SLC7A11: variants seen among roughly 807,000 people sequenced by gnomAD.
SLC7A11 encodes the protein solute carrier family 7 member 11, also known as cystine/glutamate transporter.
SLC7A11 carries 35 observed loss-of-function variants against 54.5 expected under a neutral mutation model. The ratio of observed to expected loss-of-function variants is 0.64; its 90% CI spans 0.49 to 0.85. SLC7A11 has a LOEUF of 0.85. SLC7A11 is among the 40% of genes least tolerant of loss of function. The pLI, the probability that SLC7A11 is intolerant of heterozygous loss-of-function variation, is 0.00. For synonymous variants in SLC7A11, 230 were observed against 225.2 expected, an observed-to-expected ratio of 1.02 and a Z score of -0.19; for missense variants, 583 against 618.1, an observed-to-expected ratio of 0.94 and a Z score of 0.60.
intron 5 of SLC7A11, 80 bp from the exon 6 acceptor site, chr4:138,214,709 T>C (rs1286265986): frequency 2.1e-6 from 1 of 468,754 alleles, no homozygotes; most frequent in Admixed American, 4.1e-5. Flanking sequence ...TATTTAACAT[T>C]GAACCCAGAA....
chr4:138,238,571 T>A (rs1458566178), intron 1 of SLC7A11, among the ~76,000 whole-genome samples: 2 of 151,962 alleles, frequency 1.3e-5, no homozygotes, highest in Non-Finnish European at 2.9e-5. Context: ...AAACTTATCA[T>A]GACATCAAAG....
At chr4:138,218,168 A>C (rs566252122) in intron 5 of SLC7A11, among the ~76,000 whole-genome samples, 1 of 152,316 alleles carries the variant, frequency 6.6e-6, no homozygotes, top group South Asian at 2.1e-4. Flanking sequence ...ATTTTGAAAT[A>C]TATCCATATT....
chr4:138,181,177 TA>T lies in SLC7A11; in HGVS notation c.1117-388del, dbSNP rs1736732668. Among the ~76,000 whole-genome samples, 3 of 152,226 alleles carry T rather than the reference TA, an allele frequency of 2.0e-5. No homozygotes were observed. In the South Asian group the frequency reaches 6.2e-4, roughly 32 times the overall value. On this transcript the variant is annotated intron_variant, in intron 9 of 11. Coordinates refer to ENST00000280612, the MANE Select transcript of SLC7A11 (RefSeq NM_014331.4). ...TTAGTAAATAACCGATAATGAACAG[TA>T]AAAGAGGCCCAATTGGAAGATTTAC...
intron 7 of SLC7A11, 33 bp from the exon 8 acceptor site, chr4:138,183,338 C>G (rs377335729): frequency 3.3e-5 from 47 of 1,433,796 alleles, no homozygotes; most frequent in Non-Finnish European, 4.6e-5. Context: ...AAATTAATGC[C>G]TTGCCAGAAA....
chr4:138,235,887 T>C (rs1050587791), intron 2 of SLC7A11, among the ~76,000 whole-genome samples: 1 of 152,222 alleles, frequency 6.6e-6, no homozygotes, highest in South Asian at 2.1e-4. Flanking sequence ...ACCAACTAAG[T>C]TGTGAGGCAC....
At chr4:138,213,741 C>T (rs569340548) in intron 6 of SLC7A11, among the ~76,000 whole-genome samples, 1 of 152,198 alleles carries the variant, frequency 6.6e-6, no homozygotes, top group South Asian at 2.1e-4. Context: ...TTTGTTTACA[C>T]ATTTGACTCA....
At chr4:138,190,554 C>T (rs1262865359) in intron 6 of SLC7A11, among the ~76,000 whole-genome samples, 1 of 152,110 alleles carries the variant, frequency 6.6e-6, no homozygotes, top group Non-Finnish European at 1.5e-5. Flanking sequence ...TTCAACCCAC[C>T]AATTTACTTT....
chr4:138,226,120 A>G (rs1342358210), intron 3 of SLC7A11, among the ~76,000 whole-genome samples: 1 of 152,212 alleles, frequency 6.6e-6, no homozygotes, highest in Non-Finnish European at 1.5e-5. Context: ...AACAGATATT[A>G]TGAATTGATC....
intron 4 of SLC7A11, among the ~76,000 whole-genome samples, chr4:138,219,689 T>C (rs1292527313): frequency 6.6e-6 from 1 of 152,172 alleles, no homozygotes; most frequent in Non-Finnish European, 1.5e-5. Context: ...TTATAATCTT[T>C]ATGAATATGA....
intron 6 of SLC7A11, among the ~76,000 whole-genome samples, chr4:138,207,759 C>T (rs1396264312): frequency 6.6e-6 from 1 of 152,058 alleles, no homozygotes. Context: ...TGTCAAAATG[C>T]AAGATAAAAG....
At chr4:138,235,587 C>A (rs1738189745) in intron 2 of SLC7A11, among the ~76,000 whole-genome samples, 1 of 152,106 alleles carries the variant, frequency 6.6e-6, no homozygotes, top group Non-Finnish European at 1.5e-5. Flanking sequence ...TCAGACTGTG[C>A]ACATCACATT....
At chr4:138,184,688 T>C (rs1736833264) in intron 7 of SLC7A11, among the ~76,000 whole-genome samples, 1 of 152,150 alleles carries the variant, frequency 6.6e-6, no homozygotes. Flanking sequence ...CAAATTTATA[T>C]GGTCCACATC....
chr4:138,178,435 A>G lies in SLC7A11; in HGVS notation c.1444+782T>C, dbSNP rs558476077. Among the ~76,000 whole-genome samples, 86 of 152,272 alleles carry G rather than the reference A, an allele frequency of 5.6e-4. No homozygotes were observed. The South Asian group carries it at 0.016, about 28-fold the overall frequency. ...TTTTGCTATTGTAAATAGTGCTGCA[A>G]TAAACATACGTGTGCATGTGTCTTT... On this transcript the variant is annotated intron_variant, in intron 11 of 11. Transcript: ENST00000280612.
Position 138,168,573 on chromosome 4 carries a change from T to C in SLC7A11, c.*3383A>G, listed in dbSNP as rs547896191. ...TACTCTTGTTAACCCTCTATTGATA[T>C]GTCAAATTGTAATTGGGGAAACAAT... On this transcript the variant is annotated 3_prime_UTR_variant, in exon 12 of 12. Coordinates refer to ENST00000280612, the MANE Select transcript of SLC7A11 (RefSeq NM_014331.4). 6.6e-6 allele frequency: 1 copy of C among 152,328 alleles called. No individual in the cohort carries two copies. Among genetic ancestry groups the C allele is most frequent in the South Asian group, 2.1e-4 (1 of 4,830 alleles). The allele number at this position is 152,328 out of a possible 1,614,324, so 9.4% of individuals were successfully genotyped here. A position where few individuals can be genotyped will look rare whatever the true frequency, so the allele number is the denominator to read the frequency against.
At position 138,166,433 on chromosome 4, in the gene SLC7A11, T is replaced by TC. The variant is rs1736261928; in HGVS notation, c.*5522dup. ...AGATACCTGTGCATTACTCTTTTTT[T>TC]CCCCTCTGGCTTTCAGCACGGCCTT... On this transcript the variant is annotated 3_prime_UTR_variant, in exon 12 of 12. Transcript: ENST00000280612. The TC allele has an allele frequency of 6.6e-6, 1 of 152,498 alleles. No homozygotes were observed. Among genetic ancestry groups the TC allele is most frequent in the Admixed American group, 6.6e-5 (1 of 15,266 alleles). The allele number at this position is 152,498 out of a possible 1,614,324, so 9.4% of individuals were successfully genotyped here. A position where few individuals can be genotyped will look rare whatever the true frequency, so the allele number is the denominator to read the frequency against.
At chr4:138,201,224 T>C (rs1356935711) in intron 6 of SLC7A11, among the ~76,000 whole-genome samples, 1 of 152,144 alleles carries the variant, frequency 6.6e-6, no homozygotes, top group African/African-American at 2.4e-5. Context: ...GAACTTGATA[T>C]CATGAACTAT....
intron 6 of SLC7A11, among the ~76,000 whole-genome samples, chr4:138,194,373 T>A (rs1304833247): frequency 1.3e-5 from 2 of 152,144 alleles, no homozygotes; most frequent in Admixed American, 1.3e-4. Context: ...AAGTTAAAAC[T>A]TTTGAAAAAT....
intron 6 of SLC7A11, among the ~76,000 whole-genome samples, chr4:138,199,839 A>T (rs1737233714): frequency 6.6e-6 from 1 of 152,188 alleles, no homozygotes; most frequent in South Asian, 2.1e-4. Flanking sequence ...ACAATTCCGC[A>T]GCTCAGAGAA....
intron 6 of SLC7A11, among the ~76,000 whole-genome samples, chr4:138,214,179 G>A (rs1348459540): frequency 6.6e-6 from 1 of 151,730 alleles, no homozygotes; most frequent in Non-Finnish European, 1.5e-5. Flanking sequence ...ACTTTAATTC[G>A]ATAGTTATGA....
Sources: gnomAD v4.1 joint callset for allele counts (sites outside exome capture counted in the v4.1 genomes callset) on GRCh38, gnomAD v4.1.1 for gene constraint, MANE v1.5 for transcripts, NCBI Gene and HGNC (gene_info 2026-07-23, HGNC 2026-07-21) for gene names.